RALGPS2: variants seen among roughly 807,000 people sequenced by gnomAD.
The protein encoded by RALGPS2 is Ral GEF with PH domain and SH3 binding motif 2.
RALGPS2 carries 43 observed loss-of-function variants against 86.8 expected under a neutral mutation model. The observed-to-expected ratio is 0.50, with a 90% confidence interval of 0.39 to 0.64. The LOEUF (loss-of-function observed/expected upper bound fraction) is 0.64, where lower values mean the gene tolerates loss of function less well. RALGPS2 is among the 30% of genes least tolerant of loss of function. RALGPS2 has a pLI of 0.00. For synonymous variants in RALGPS2, 243 were observed against 231.3 expected (o/e 1.05, Z -0.46); for missense variants, 536 against 694.6 (o/e 0.77, Z 2.57).
intron 1 of RALGPS2, among the ~76,000 whole-genome samples, chr1:178,728,171 C>T (rs1650133481): frequency 6.6e-6 from 1 of 152,076 alleles, no homozygotes. Flanking sequence ...AAAATATTCT[C>T]TCGGCATTTA....
intron 1 of RALGPS2, among the ~76,000 whole-genome samples, chr1:178,732,595 G>A (rs1169911878): frequency 6.6e-6 from 1 of 151,970 alleles, no homozygotes; most frequent in Non-Finnish European, 1.5e-5. Flanking sequence ...CACCACACTC[G>A]GCCATGTTCC....
intron 1 of RALGPS2, among the ~76,000 whole-genome samples, chr1:178,738,687 T>C (rs931067472): frequency 6.6e-6 from 1 of 152,236 alleles, no homozygotes; most frequent in Non-Finnish European, 1.5e-5. Flanking sequence ...AATTCTTTGA[T>C]GAAAGTCTGT....
chr1:178,906,603 TTATTG>T (rs1660397592), intron 18 of RALGPS2, among the ~76,000 whole-genome samples, 168 bp from the exon 19 acceptor site: 1 of 152,170 alleles, frequency 6.6e-6, no homozygotes, highest in South Asian at 2.1e-4. Flanking sequence ...CGAGAACTCT[TTATTG>T]TATTGGAAAT....
intron 8 of RALGPS2, among the ~76,000 whole-genome samples, chr1:178,859,695 C>CTTT (rs1190050936): frequency 3.9e-4 from 42 of 108,278 alleles, no homozygotes; most frequent in Non-Finnish European, 5.0e-4. Context: ...ACACGAAGCA[C>CTTT]TTTTTTTTTT....
At chr1:178,859,626 A>G (rs979497764) in intron 8 of RALGPS2, among the ~76,000 whole-genome samples, 1 of 151,028 alleles carries the variant, frequency 6.6e-6, no homozygotes, top group Non-Finnish European at 1.5e-5. Context: ...GGAAAGACAC[A>G]TAAAGGGAAG....
At chr1:178,865,129 G>A in intron 8 of RALGPS2, 1 of 1,590,640 alleles carries the variant, frequency 6.3e-7, no homozygotes, top group Non-Finnish European at 8.6e-7. Context: ...GCACCACCTG[G>A]ACAAGTGGGG....
In RALGPS2 at chr1:178,919,722, G is replaced by C. The variant is rs1280926410; in HGVS notation, c.*3363G>C. 1 of 151,954 alleles carries C rather than the reference G, an allele frequency of 6.6e-6. No homozygotes were observed. The highest frequency in any genetic ancestry group is 2.4e-5 in the African/African-American group (1 of 41,408). The allele number at this position is 151,954 out of a possible 1,614,324, so 9.4% of individuals were successfully genotyped here. A position where few individuals can be genotyped will look rare whatever the true frequency, so the allele number is the denominator to read the frequency against. ...CAATAGTAATGGGTTCCATCCATTA[G>C]CTTTTTAAATGAATAGATCTGGTAT... On this transcript the variant is annotated 3_prime_UTR_variant, in exon 20 of 20. Transcript: ENST00000367635.
chr1:178,864,830 A>G (rs1658272997), intron 8 of RALGPS2: 2 of 565,910 alleles, frequency 3.5e-6, no homozygotes, highest in African/African-American at 1.9e-5. Context: ...ATAAAAAACA[A>G]TAGAAATTTT....
In RALGPS2 at chr1:178,868,501, A is replaced by G. The variant is rs149957680; in HGVS notation, c.608-8997A>G. Among the ~76,000 whole-genome samples, 563 of 152,134 alleles carry G rather than the reference A, an allele frequency of 3.7e-3. 3 individuals are homozygous for G. Among genetic ancestry groups the G allele is most frequent in the Middle Eastern group, 0.034 (10 of 294 alleles). ...AATGCAGGAAGTAATATAAAACTCT[A>G]AAACAAATAGAATTTTATGAGCAAT... On this transcript the variant is annotated intron_variant, in intron 8 of 19. Transcript: ENST00000367635.
intron 2 of RALGPS2, among the ~76,000 whole-genome samples, chr1:178,783,896 A>G (rs1261353115): frequency 6.6e-6 from 1 of 152,156 alleles, no homozygotes; most frequent in Non-Finnish European, 1.5e-5. Flanking sequence ...GAAAACTTAA[A>G]TTTGTAATAT....
intron 8 of RALGPS2, among the ~76,000 whole-genome samples, chr1:178,855,024 A>C (rs1388593848): frequency 6.6e-6 from 1 of 152,122 alleles, no homozygotes; most frequent in Non-Finnish European, 1.5e-5. Flanking sequence ...AATGTATAAA[A>C]ATTCTGATTG....
chr1:178,816,308 T>C (rs1655226779), intron 6 of RALGPS2, among the ~76,000 whole-genome samples: 1 of 152,168 alleles, frequency 6.6e-6, no homozygotes, highest in Admixed American at 6.5e-5. Flanking sequence ...TACTGTGGTT[T>C]TAATTTGTAT....
intron 4 of RALGPS2, among the ~76,000 whole-genome samples, chr1:178,801,284 G>A (rs903919989): frequency 2.0e-5 from 3 of 151,962 alleles, no homozygotes; most frequent in Admixed American, 1.3e-4. Flanking sequence ...GTTTAAGGTA[G>A]CCAATAGCTA....
At chr1:178,810,232 C>CA (rs1270816823) in intron 5 of RALGPS2, among the ~76,000 whole-genome samples, 7 of 151,886 alleles carry the variant, frequency 4.6e-5, no homozygotes, top group African/African-American at 1.7e-4. Flanking sequence ...TAAAAAAATA[C>CA]AAAAATTAGC....
At chr1:178,751,612 C>G (rs1292828379) in intron 1 of RALGPS2, among the ~76,000 whole-genome samples, 5 of 152,010 alleles carry the variant, frequency 3.3e-5, no homozygotes, top group Admixed American at 2.0e-4. Context: ...AAATGAAGAA[C>G]AGTGTTTCAA....
intron 4 of RALGPS2, among the ~76,000 whole-genome samples, chr1:178,799,137 T>C (rs1202767149): frequency 6.6e-6 from 1 of 152,114 alleles, no homozygotes; most frequent in Non-Finnish European, 1.5e-5. Flanking sequence ...CCTCCTGGGT[T>C]CAAGTGATTC....
chr1:178,887,396 C>T (rs899630924), intron 13 of RALGPS2, among the ~76,000 whole-genome samples: 2 of 152,036 alleles, frequency 1.3e-5, no homozygotes, highest in Admixed American at 6.6e-5. Flanking sequence ...GAGGTTGCAG[C>T]GAGCCATGTT....
Position 178,877,975 on chromosome 1 carries a change from C to T in RALGPS2, c.745+340C>T, listed in dbSNP as rs144527316. On this transcript the variant is annotated intron_variant, in intron 9 of 19. Transcript: ENST00000367635. ...GGCCCTTTATAGCACAGCTATTTGG[C>T]CCTTTATAGTTTACAAAGTCATTTT... 3.0e-3 allele frequency among the ~76,000 whole-genome samples: 461 copies of T among 152,210 alleles called. 2 individuals carry two copies. The highest frequency in any genetic ancestry group is 0.011 in the African/African-American group (441 of 41,554).
At chr1:178,823,954 A>T (rs1454338662) in intron 7 of RALGPS2, among the ~76,000 whole-genome samples, 2 of 152,222 alleles carry the variant, frequency 1.3e-5, no homozygotes, top group Non-Finnish European at 2.9e-5. Context: ...AGCATAGATG[A>T]AAAGCCCTGG....
Sources: allele counts gnomAD v4.1 joint callset (sites outside exome capture counted in the v4.1 genomes callset), GRCh38; gene constraint gnomAD v4.1.1; transcripts MANE v1.5; gene names NCBI Gene and HGNC (gene_info 2026-07-23, HGNC 2026-07-21).